The following TRIP12 variants were observed in gnomAD, a reference collection of about 807,000 sequenced individuals.
TRIP12 encodes E3 ubiquitin-protein ligase TRIP12.
In TRIP12, 25 loss-of-function variants were observed where a neutral mutation model predicts 244.2. That is an observed-to-expected ratio of 0.10 (90% CI 0.07 to 0.14). TRIP12 has a LOEUF of 0.14. Among genes scored for constraint, TRIP12 ranks in the 10% least tolerant of loss-of-function variants. The pLI is 1.00. For missense variants in TRIP12, 1,677 were observed against 2,486.4 expected (o/e 0.67, Z 6.92); for synonymous variants, 905 against 873.1 (o/e 1.04, Z -0.64).
At chr2:229,905,401 G>C (rs955997076) in intron 1 of TRIP12, among the ~76,000 whole-genome samples, 2 of 152,142 alleles carry the variant, frequency 1.3e-5, no homozygotes, top group African/African-American at 4.8e-5. Context: ...GATATATTTT[G>C]AAAGAGTCAA....
At chr2:229,891,021 T>C (rs1371615795) in intron 1 of TRIP12, among the ~76,000 whole-genome samples, 1 of 152,170 alleles carries the variant, frequency 6.6e-6, no homozygotes, top group Non-Finnish European at 1.5e-5. Flanking sequence ...CTCATGCCTA[T>C]AATCCCAGCA....
intron 7 of TRIP12, among the ~76,000 whole-genome samples, chr2:229,830,000 A>C (rs992992611): frequency 1.3e-5 from 2 of 152,188 alleles, no homozygotes; most frequent in African/African-American, 4.8e-5. Flanking sequence ...CGAGTCCTAG[A>C]GATACTTGTA....
upstream of TRIP12, chr2:229,922,305 TC>T: frequency 1.7e-6 from 1 of 577,738 alleles, no homozygotes; most frequent in Non-Finnish European, 3.1e-6. Context: ...AGGAACTAAT[TC>T]CCCCTCGGGT....
intron 22 of TRIP12, 63 bp from the exon 23 acceptor site, chr2:229,799,112 T>C: frequency 1.9e-6 from 3 of 1,585,430 alleles, no homozygotes; most frequent in Non-Finnish European, 2.6e-6. Flanking sequence ...AAACAACTGA[T>C]TTTTAAGATT....
At chr2:229,890,163 T>C (rs936893997) in intron 1 of TRIP12, among the ~76,000 whole-genome samples, 12 of 149,220 alleles carry the variant, frequency 8.0e-5, no homozygotes, top group African/African-American at 3.0e-4. Context: ...CACTGCAACC[T>C]CCGCCTCCCA....
At position 229,858,918 on chromosome 2, in the gene TRIP12, C is replaced by T. The variant is rs566769863; in HGVS notation, c.881G>A (p.Ser294Asn). 10 of 1,614,210 alleles carry T rather than the reference C, an allele frequency of 6.2e-6. No individual in the cohort carries two copies. The South Asian group carries it at 1.1e-4, about 18-fold the overall frequency. ...PRRSSREKEQ[S>N]KTGGSSKFDW... is the part of the protein sequence containing the mutation. ...AAATTTTGAAGAGCCACCAGTTTTA[C>T]TCTGTTCCTTTTCCCTGCTACTTCT... Residue 294 changes from serine to asparagine, a missense_variant, in exon 4 of 42, where the codon AGT (serine) becomes AAT (asparagine). Ser to Asn is a conservative substitution (Grantham distance 46). Around this residue, in one of 11 missense-constraint regions of TRIP12, gnomAD observed 387 missense variants for 392.6 expected, o/e 0.99. Coordinates refer to ENST00000675903, the MANE Select transcript of TRIP12 (RefSeq NM_001348323.3).
intron 29 of TRIP12, 46 bp downstream of exon 29, chr2:229,791,820 G>C (rs1373003044): frequency 6.3e-7 from 1 of 1,592,180 alleles, no homozygotes; most frequent in Admixed American, 1.7e-5. Context: ...CACAAGAACA[G>C]TTTCAAAGTT....
intron 34 of TRIP12, among the ~76,000 whole-genome samples, chr2:229,782,215 T>C (rs973855472): frequency 2.0e-5 from 3 of 152,044 alleles, no homozygotes; most frequent in Admixed American, 6.6e-5. Context: ...ACAGCCATGA[T>C]CAAGCTAGAT....
intron 1 of TRIP12, among the ~76,000 whole-genome samples, chr2:229,897,833 C>T (rs35311453): frequency 0.25 from 38,264 of 152,036 alleles, 5,959 homozygotes; most frequent in Middle Eastern, 0.44. Context: ...CTCTCTCCCC[C>T]CTATGTTCCC....
intron 41 of TRIP12, among the ~76,000 whole-genome samples, chr2:229,768,145 A>G (rs946522616): frequency 1.3e-5 from 2 of 152,198 alleles, no homozygotes; most frequent in African/African-American, 4.8e-5. Flanking sequence ...CTGTAGTCCC[A>G]GCTACACAGG....
Position 229,810,337 on chromosome 2 carries a change from A to T in TRIP12, c.2221+543T>A, listed in dbSNP as rs115625056. Among the ~76,000 whole-genome samples, 936 of 152,354 alleles carry T rather than the reference A, an allele frequency of 6.1e-3. 7 individuals are homozygous for T. The highest frequency in any genetic ancestry group is 0.021 in the African/African-American group (881 of 41,588). ...ATTGCAATAAAATTTTATTTCCCAC[A>T]CACTGTGTAAAGGTTTAGAAATACC... On this transcript the variant is annotated intron_variant, in intron 15 of 41. Coordinates refer to ENST00000675903, the MANE Select transcript of TRIP12 (RefSeq NM_001348323.3).
intron 6 of TRIP12, chr2:229,831,199 T>C (rs975256198): frequency 1.7e-5 from 12 of 690,212 alleles, no homozygotes; most frequent in Non-Finnish European, 2.6e-5. Context: ...ATTTAACAGA[T>C]GGCCAATTAG....
At chr2:229,834,617 G>A (rs1272817895) in intron 6 of TRIP12, among the ~76,000 whole-genome samples, 9 of 152,098 alleles carry the variant, frequency 5.9e-5, no homozygotes, top group African/African-American at 1.7e-4. Flanking sequence ...AAAATTAGCC[G>A]GCTGTGGTGT....
intron 8 of TRIP12, among the ~76,000 whole-genome samples, chr2:229,823,412 G>A (rs537719263): frequency 1.6e-4 from 24 of 152,054 alleles, no homozygotes; most frequent in Non-Finnish European, 3.1e-4. Context: ...GGTGGCTCAC[G>A]CCTGTAGTCC....
At chr2:229,904,667 T>G (rs1273392918) in intron 1 of TRIP12, among the ~76,000 whole-genome samples, 1 of 152,184 alleles carries the variant, frequency 6.6e-6, no homozygotes, top group African/African-American at 2.4e-5. Flanking sequence ...CTTAGTTTTC[T>G]TTATTCAAAT....
intron 4 of TRIP12, among the ~76,000 whole-genome samples, chr2:229,858,272 A>G (rs1006972659): frequency 6.6e-6 from 1 of 152,202 alleles, no homozygotes; most frequent in Non-Finnish European, 1.5e-5. Flanking sequence ...CCAAGGCAAG[A>G]GGATTGCTTA....
intron 4 of TRIP12, among the ~76,000 whole-genome samples, chr2:229,846,743 T>G (rs770896093): frequency 3.3e-5 from 5 of 152,236 alleles, no homozygotes; most frequent in Admixed American, 6.5e-5. Flanking sequence ...AATAACTCAG[T>G]AATAATAAGA....
intron 1 of TRIP12, among the ~76,000 whole-genome samples, chr2:229,889,498 C>T (rs2066834099): frequency 6.6e-6 from 1 of 152,104 alleles, no homozygotes. Context: ...ACTTTTAGTC[C>T]ACATGCCAAA....
chr2:229,895,980 C>T (rs2068711485), intron 1 of TRIP12, among the ~76,000 whole-genome samples: 1 of 151,834 alleles, frequency 6.6e-6, no homozygotes, highest in Non-Finnish European at 1.5e-5. Context: ...AGTGAGACAC[C>T]ATCTCTAAAA....
Sources: allele counts gnomAD v4.1 joint callset (sites outside exome capture counted in the v4.1 genomes callset), GRCh38; gene constraint gnomAD v4.1.1; regional missense constraint gnomAD v4.1.1; transcripts MANE v1.5; gene names NCBI Gene and HGNC (gene_info 2026-07-23, HGNC 2026-07-21).